The following ZDHHC24 variants were observed in gnomAD, a reference collection of about 807,000 sequenced individuals.
ZDHHC24 encodes the protein zDHHC palmitoyltransferase 24.
Under a neutral mutation model 23.2 loss-of-function variants are expected in ZDHHC24, and 17 were observed. The ratio of observed to expected loss-of-function variants is 0.73; its 90% CI spans 0.50 to 1.10. ZDHHC24 has a LOEUF of 1.10. ZDHHC24 is among the 50% of genes least tolerant of loss of function. The probability of loss-of-function intolerance (pLI) is 0.00; values close to 1 mark genes in which losing one functional copy is unlikely to be tolerated. For synonymous variants in ZDHHC24, 186 were observed against 194.5 expected, an observed-to-expected ratio of 0.96 and a Z score of 0.36; for missense variants, 366 against 393.0, an observed-to-expected ratio of 0.93 and a Z score of 0.58.
At chr11:66,534,658 T>G (rs1012767340), downstream of ZDHHC24, among the ~76,000 whole-genome samples, 4 of 151,242 alleles carry the variant, frequency 2.6e-5, no homozygotes, top group African/African-American at 9.7e-5. Flanking sequence ...GTCATTAGAG[T>G]TTTTAAAGAT....
intron 2 of ZDHHC24, among the ~76,000 whole-genome samples, chr11:66,540,126 G>A (rs747088231): frequency 1.9e-4 from 29 of 152,116 alleles, no homozygotes; most frequent in Non-Finnish European, 3.5e-4. Context: ...ACATTAAAGA[G>A]GCCATTCTTG....
At chr11:66,528,238 A>T (rs1400370035) in intron 3 of ZDHHC24, among the ~76,000 whole-genome samples, 1 of 152,192 alleles carries the variant, frequency 6.6e-6, no homozygotes, top group Non-Finnish European at 1.5e-5. Context: ...AAATGTACAA[A>T]GTCTAATAAA....
At chr11:66,523,734 T>C in intron 4 of ZDHHC24, 1 of 1,611,718 alleles carries the variant, frequency 6.2e-7, no homozygotes, top group Non-Finnish European at 8.5e-7. Context: ...GGGAAGAAGC[T>C]GTGGACAGTG....
At chr11:66,522,956 CAA>C (rs1264429912) in intron 4 of ZDHHC24, 4 of 359,128 alleles carry the variant, frequency 1.1e-5, no homozygotes, top group Non-Finnish European at 2.2e-5. Flanking sequence ...TAGGCCAACT[CAA>C]AGTGGGAAAG....
rs1013290373 is a variant in ZDHHC24 at position 66,541,042 on chromosome 11, T to G, written c.560-1218A>C. Among the ~76,000 whole-genome samples the G allele has an allele frequency of 2.6e-5, 4 of 152,108 alleles. No individual in the cohort carries two copies. In the East Asian group the frequency reaches 5.8e-4, roughly 22 times the overall value. On this transcript the variant is annotated intron_variant, in intron 2 of 2. Transcript: ENST00000310442. ...TTTTAGGATGAAAATGTTCTGGAAT[T>G]AGACAGTGGTGATGGTTGCACTACA...
chr11:66,522,816 G>A, intron 4 of ZDHHC24: 1 of 301,912 alleles, frequency 3.3e-6, no homozygotes, highest in Non-Finnish European at 6.4e-6. Context: ...AATTGGATGA[G>A]TGCTATGGAG....
At position 66,539,634 on chromosome 11, in the gene ZDHHC24, C is replaced by A; in HGVS notation, c.750G>T (p.Gly250=). Residue 250 remains glycine (G), a synonymous_variant, in exon 3 of 3, where the codon GGG becomes GGT. Coordinates refer to ENST00000310442, the MANE Select transcript of ZDHHC24 (RefSeq NM_207340.3). The part of the protein sequence containing the change: ...GPCHNLQAAL[G]PRWALVWLWP... ...AGAGCCAGACGAGGGCCCAGCGGGGCCCCAGGGCTGCCTGCAGGTTGTGGC... is the reference window on the plus strand; with the variant it reads ...AGAGCCAGACGAGGGCCCAGCGGGGACCCAGGGCTGCCTGCAGGTTGTGGC... 1 of 1,612,464 alleles carries A rather than the reference C, an allele frequency of 6.2e-7. No individual in the cohort carries two copies. The highest frequency in any genetic ancestry group is 8.5e-7 in the Non-Finnish European group (1 of 1,179,614).
chr11:66,531,211 C>A (rs1006168916), downstream of ZDHHC24, among the ~76,000 whole-genome samples: 4 of 152,184 alleles, frequency 2.6e-5, no homozygotes, highest in Non-Finnish European at 4.4e-5. Context: ...GAGGGAGCCC[C>A]AAGCCCTGCC....
intron 2 of ZDHHC24, among the ~76,000 whole-genome samples, chr11:66,541,505 G>A (rs1857150218): frequency 6.6e-6 from 1 of 152,170 alleles, no homozygotes; most frequent in Admixed American, 6.5e-5. Flanking sequence ...AGCACAGGGA[G>A]AAGCCCAGGC....
At chr11:66,529,725 C>T (rs986934681) in intron 2 of ZDHHC24, 2 of 1,506,170 alleles carry the variant, frequency 1.3e-6, no homozygotes, top group African/African-American at 2.7e-5. Context: ...CTCTTGCACC[C>T]TCCCCACACC....
chr11:66,544,979 G>A (rs747910702), intron 1 of ZDHHC24, among the ~76,000 whole-genome samples: 7 of 152,108 alleles, frequency 4.6e-5, no homozygotes, highest in South Asian at 2.1e-4. Context: ...AGCTAATTAG[G>A]ATAGCCATTA....
intron 4 of ZDHHC24, chr11:66,526,244 G>C (rs1453155323): frequency 6.5e-7 from 1 of 1,549,996 alleles, no homozygotes; most frequent in African/African-American, 1.4e-5. Context: ...TGAAGGGACA[G>C]GCCTGCTTCT....
At chr11:66,532,990 G>A (rs1162703064), downstream of ZDHHC24, 1 of 152,240 alleles carries the variant, frequency 6.6e-6, no homozygotes, top group Non-Finnish European at 1.5e-5. Context: ...GTCACATCGT[G>A]AGAATTAGCA....
At chr11:66,525,055 C>T (rs1194128129) in intron 4 of ZDHHC24, among the ~76,000 whole-genome samples, 1 of 152,112 alleles carries the variant, frequency 6.6e-6, no homozygotes, top group African/African-American at 2.4e-5. Context: ...AAAAAATTAG[C>T]CGGGCATGGT....
downstream of ZDHHC24, chr11:66,532,270 G>A (rs1333915387): frequency 1.0e-5 from 6 of 575,232 alleles, no homozygotes; most frequent in Non-Finnish European, 1.9e-5. Context: ...TCCCACTGAA[G>A]TCCTACTACG....
downstream of ZDHHC24, among the ~76,000 whole-genome samples, chr11:66,534,218 G>C (rs1022521268): frequency 6.6e-6 from 1 of 151,206 alleles, no homozygotes; most frequent in Admixed American, 6.6e-5. Context: ...GCCGAGGCAG[G>C]CAGATCACAA....
Position 66,538,491 on chromosome 11 carries a change from G to A in ZDHHC24, c.*1038C>T, listed in dbSNP as rs1314777905. On this transcript the variant is annotated 3_prime_UTR_variant, in exon 3 of 3. Coordinates refer to ENST00000310442, the MANE Select transcript of ZDHHC24 (RefSeq NM_207340.3). ...CCGAATCACTTGAACCCGGGAGGTGGAGGTTACAGTGAACCGAGATCGTGC... is the reference window on the plus strand; with the variant it reads ...CCGAATCACTTGAACCCGGGAGGTGAAGGTTACAGTGAACCGAGATCGTGC... 1 of 152,148 alleles carries A rather than the reference G, an allele frequency of 6.6e-6. No individual in the cohort carries two copies. Among genetic ancestry groups the A allele is most frequent in the East Asian group, 1.9e-4 (1 of 5,200 alleles). The allele number at this position is 152,148 out of a possible 1,614,324, so 9.4% of individuals were successfully genotyped here.
chr11:66,540,833 G>A (rs1428419035), intron 2 of ZDHHC24, among the ~76,000 whole-genome samples: 2 of 152,134 alleles, frequency 1.3e-5, no homozygotes, highest in Non-Finnish European at 2.9e-5. Context: ...AACGGACTAC[G>A]AGAGGCCATG....
rs1856346961 is a variant in ZDHHC24, at chr11:66,523,634, C to T, written c.*22-2168G>A. 6 of 1,612,604 alleles carry T rather than the reference C, an allele frequency of 3.7e-6. No individual in the cohort carries two copies. The highest frequency in any genetic ancestry group is 4.2e-6 in the Non-Finnish European group (5 of 1,179,980). On this transcript the variant is annotated intron_variant, in intron 4 of 4. Transcript: ENST00000526986. ...GCCTATGTCCCTAGCCCCCACTTGG[C>T]AAGAGAGTCCTCTGGCTTCCCCACC...
Sources: gnomAD v4.1 joint callset for allele counts (sites outside exome capture counted in the v4.1 genomes callset) on GRCh38, gnomAD v4.1.1 for gene constraint, MANE v1.5 for transcripts, NCBI Gene and HGNC (gene_info 2026-07-23, HGNC 2026-07-21) for gene names.